Variants in COL4A6 observed in about 807,000 individuals in gnomAD.
The protein encoded by COL4A6 is collagen type IV alpha 6 chain.
Under a neutral mutation model 126.7 loss-of-function variants are expected in COL4A6, and 59 were observed. The ratio of observed to expected loss-of-function variants is 0.47; its 90% CI spans 0.38 to 0.58. The LOEUF is 0.58. Among genes scored for constraint, COL4A6 ranks in the 20% least tolerant of loss-of-function variants. The probability of loss-of-function intolerance (pLI) is 0.00; values close to 1 mark genes in which losing one functional copy is unlikely to be tolerated. For missense variants in COL4A6, 1,285 were observed against 1,337.3 expected (o/e 0.96, Z 0.61); for synonymous variants, 547 against 496.6 (o/e 1.10, Z -1.35).
chrX:108,418,072 T>A (rs1326903717), intron 2 of COL4A6, among the ~76,000 whole-genome samples: 1 of 112,081 alleles, frequency 8.9e-6, no homozygotes. Context: ...ACCAAGAACA[T>A]ATTTGCAGAC....
chrX:108,212,421 T>C (rs1415421031), intron 6 of COL4A6, among the ~76,000 whole-genome samples: 4 of 111,293 alleles, frequency 3.6e-5, no homozygotes, highest in Non-Finnish European at 5.7e-5. Context: ...ACAATTCCAA[T>C]CTTTCAACTA....
chrX:108,162,145 T>G (rs2033962752), intron 41 of COL4A6, among the ~76,000 whole-genome samples: 1 of 110,904 alleles, frequency 9.0e-6, no homozygotes, highest in Non-Finnish European at 1.9e-5. Flanking sequence ...AAGTCAGGAG[T>G]TCGAGACCAG....
chrX:108,187,533 T>C (rs977171050), intron 22 of COL4A6, among the ~76,000 whole-genome samples: 10 of 111,575 alleles, frequency 9.0e-5, no homozygotes, highest in African/African-American at 3.3e-4. Flanking sequence ...ATGAGCAGGA[T>C]AATAACAACC....
chrX:108,372,778 T>C (rs986831114), intron 2 of COL4A6, among the ~76,000 whole-genome samples: 1 of 112,462 alleles, frequency 8.9e-6, no homozygotes, highest in African/African-American at 3.2e-5. Context: ...ATTTATTGAG[T>C]GCTATGGTAA....
chrX:108,262,030 A>G (rs868446520), intron 3 of COL4A6, among the ~76,000 whole-genome samples: 1 of 112,087 alleles, frequency 8.9e-6, no homozygotes, highest in Middle Eastern at 4.6e-3. Flanking sequence ...GTGGTATTGC[A>G]TCAGCAAGGG....
intron 2 of COL4A6, among the ~76,000 whole-genome samples, chrX:108,330,632 C>T (rs2039273913): frequency 9.0e-6 from 1 of 111,077 alleles, no homozygotes; most frequent in African/African-American, 3.3e-5. Context: ...CTGCCACCAG[C>T]CCATATATTC....
chrX:108,325,417 G>C (rs1397967370), intron 2 of COL4A6, among the ~76,000 whole-genome samples: 1 of 111,843 alleles, frequency 8.9e-6, no homozygotes, highest in Non-Finnish European at 1.9e-5. Context: ...AGAAGAAGTA[G>C]AAAATCCCAG....
At chrX:108,157,320 G>T in intron 44 of COL4A6, 60 bp from the exon 45 acceptor site, 1 of 1,171,624 alleles carries the variant, frequency 8.5e-7, no homozygotes, top group African/African-American at 1.8e-5. Context: ...TGTGGGGAGG[G>T]GATGGGTGCT....
chrX:108,407,321 A>T (rs2041227118), intron 2 of COL4A6, among the ~76,000 whole-genome samples: 1 of 112,216 alleles, frequency 8.9e-6, no homozygotes, highest in Admixed American at 9.5e-5. Flanking sequence ...GGAACTGAGG[A>T]ACTCTTTACC....
chrX:108,417,062 T>C (rs952167285), intron 2 of COL4A6, among the ~76,000 whole-genome samples: 1 of 112,053 alleles, frequency 8.9e-6, no homozygotes, highest in African/African-American at 3.3e-5. Context: ...TGAGATCACA[T>C]GTGTAAAAGA....
At chrX:108,371,854 A>AG (rs1333267677) in intron 2 of COL4A6, among the ~76,000 whole-genome samples, 2 of 86,948 alleles carry the variant, frequency 2.3e-5, no homozygotes, top group African/African-American at 4.0e-5. Flanking sequence ...TCCAATATGA[A>AG]GGAAAAAAAA....
chrX:108,351,442 C>CTGTGTG (rs965452058), intron 2 of COL4A6, among the ~76,000 whole-genome samples: 152 of 94,344 alleles, frequency 1.6e-3, no homozygotes, highest in East Asian at 7.6e-3. Context: ...CTCTCTCTCT[C>CTGTGTG]TGTGTGTGTG....
chrX:108,286,439 G>A (rs1464748741), intron 3 of COL4A6, among the ~76,000 whole-genome samples: 1 of 112,076 alleles, frequency 8.9e-6, no homozygotes, highest in Admixed American at 9.4e-5. Context: ...TTCATTAAAT[G>A]ATATAACTCT....
At chrX:108,408,788 C>A (rs2041266717) in intron 2 of COL4A6, among the ~76,000 whole-genome samples, 1 of 110,314 alleles carries the variant, frequency 9.1e-6, no homozygotes, top group Admixed American at 9.7e-5. Context: ...AAGGAGAAAC[C>A]CCGTCCCTAC....
rs777490715 is a variant in COL4A6, at chrX:108,204,432, A to G, written c.688-20T>C. 33 of 1,166,754 alleles carry G rather than the reference A, an allele frequency of 2.8e-5. No individual in the cohort carries two copies. The highest frequency in any genetic ancestry group is 3.7e-5 in the Non-Finnish European group (32 of 859,056). On this transcript the variant is annotated intron_variant, in intron 11 of 44. Coordinates refer to ENST00000334504, the MANE Select transcript of COL4A6 (RefSeq NM_033641.4). The stretch of plus-strand genomic sequence containing the variant: ...ATCCCCCTGTAAGATCAAATGGAAC[A>G]TTAAGCAAAGTGACAATCACACCGA...
chrX:108,330,812 A>G (rs1304996256), intron 2 of COL4A6, among the ~76,000 whole-genome samples: 3 of 111,493 alleles, frequency 2.7e-5, no homozygotes, highest in Non-Finnish European at 3.8e-5. Flanking sequence ...GAGGTTTCTT[A>G]TATCATCACA....
intron 3 of COL4A6, among the ~76,000 whole-genome samples, chrX:108,274,477 C>G (rs1271240919): frequency 1.8e-5 from 2 of 111,220 alleles, no homozygotes; most frequent in African/African-American, 6.5e-5. Flanking sequence ...AGTGTGGGCT[C>G]TGGGTTAGTT....
At chrX:108,420,418 T>C (rs900537980) in intron 2 of COL4A6, among the ~76,000 whole-genome samples, 1 of 111,367 alleles carries the variant, frequency 9.0e-6, no homozygotes, top group African/African-American at 3.3e-5. Flanking sequence ...TAGGTTATTT[T>C]AAGCTACTGA....
At chrX:108,305,676 AATT>A (rs1433664934) in intron 3 of COL4A6, among the ~76,000 whole-genome samples, 1 of 111,871 alleles carries the variant, frequency 8.9e-6, no homozygotes, top group Non-Finnish European at 1.9e-5. Context: ...ATTCAAGTTC[AATT>A]TCAGAAGACA....
Sources: allele counts gnomAD v4.1 joint callset (sites outside exome capture counted in the v4.1 genomes callset), GRCh38; gene constraint gnomAD v4.1.1; transcripts MANE v1.5; gene names NCBI Gene and HGNC (gene_info 2026-07-23, HGNC 2026-07-21).